The following DGUOK variants were observed in gnomAD, a reference collection of about 807,000 sequenced individuals.
DGUOK encodes the protein deoxyguanosine kinase.
DGUOK carries 30 observed loss-of-function variants against 36.6 expected under a neutral mutation model. The ratio of observed to expected loss-of-function variants is 0.82; its 90% CI spans 0.61 to 1.11. The LOEUF is 1.11. Ranked by LOEUF, DGUOK falls within the 50% of genes most tolerant of loss-of-function variation. The probability of loss-of-function intolerance (pLI) is 0.00; values close to 1 mark genes in which losing one functional copy is unlikely to be tolerated. For synonymous variants in DGUOK, 145 were observed against 126.3 expected (o/e 1.15, Z -0.99); for missense variants, 361 against 336.4 (o/e 1.07, Z -0.57).
At chr2:73,940,586 A>C (rs919220409) in intron 2 of DGUOK, among the ~76,000 whole-genome samples, 11 of 152,192 alleles carry the variant, frequency 7.2e-5, no homozygotes, top group African/African-American at 2.7e-4. Flanking sequence ...GCCACAGGTC[A>C]CCTGTGTGTA....
intron 2 of DGUOK, among the ~76,000 whole-genome samples, chr2:73,946,122 T>TA (rs1682288255): frequency 6.6e-6 from 1 of 151,698 alleles, no homozygotes; most frequent in African/African-American, 2.4e-5. Flanking sequence ...ACATGCCGAG[T>TA]AAGTGGAACG....
At chr2:73,947,399 A>G (rs1056462060) in intron 3 of DGUOK, among the ~76,000 whole-genome samples, 16 of 152,204 alleles carry the variant, frequency 1.1e-4, no homozygotes, top group African/African-American at 3.9e-4. Context: ...CTTAGGCAGA[A>G]ATAGCACATC....
chr2:73,951,650 G>C (rs1011879722), intron 4 of DGUOK, among the ~76,000 whole-genome samples: 24 of 152,172 alleles, frequency 1.6e-4, no homozygotes, highest in Non-Finnish European at 1.8e-4. Flanking sequence ...ACCAGAGGAT[G>C]AGTGGGAGAG....
At chr2:73,957,650 G>C (rs1375064176) in intron 5 of DGUOK, among the ~76,000 whole-genome samples, 1 of 152,184 alleles carries the variant, frequency 6.6e-6, no homozygotes, top group Non-Finnish European at 1.5e-5. Flanking sequence ...CTCCAGCCTG[G>C]GCGACAGAGT....
chr2:73,958,128 C>G lies in DGUOK; in HGVS notation c.708-18C>G. The G allele has an allele frequency of 6.2e-7, 1 of 1,602,402 alleles. No homozygotes were observed. Among genetic ancestry groups the G allele is most frequent in the African/African-American group, 1.3e-5 (1 of 74,820 alleles). On this transcript the variant is annotated intron_variant, in intron 5 of 6. Transcript: ENST00000264093. ...CATTTCTTTTTTTCTGTCCCCCAAACGTTCACGCTTCTTATAGGCTCCACT... is the reference window on the plus strand; with the variant it reads ...CATTTCTTTTTTTCTGTCCCCCAAAGGTTCACGCTTCTTATAGGCTCCACT...
Position 73,958,194 on chromosome 2 carries a change from CAAT to C in DGUOK, c.757_759del (p.Asn253del), listed in dbSNP as rs775276142. 9.9e-6 allele frequency: 16 copies of C among 1,613,698 alleles called. No individual in the cohort carries two copies. Among genetic ancestry groups the C allele is most frequent in the Middle Eastern group, 1.6e-4 (1 of 6,084 alleles). Reference sequence around the variant, plus strand: ...ACATTCCAGTGCTGGTGTTGGATGTCAATGATGATTTTTCTGAGGAAGTAACCA... The same window carrying C: ...ACATTCCAGTGCTGGTGTTGGATGTCGATGATTTTTCTGAGGAAGTAACCA... On this transcript the variant is annotated inframe_deletion, in exon 6 of 7. Coordinates refer to ENST00000264093, the MANE Select transcript of DGUOK (RefSeq NM_080916.3).
At chr2:73,944,737 C>T (rs796155889) in intron 2 of DGUOK, among the ~76,000 whole-genome samples, 23 of 152,236 alleles carry the variant, frequency 1.5e-4, no homozygotes, top group African/African-American at 5.3e-4. Flanking sequence ...CTTTGATAGC[C>T]CAAAGCCCAC....
rs1327107105 is a variant in DGUOK, at chr2:73,938,989, A to G, written c.222A>G (p.Thr74=). Residue 74 remains threonine, a synonymous_variant, in exon 2 of 7, where the codon ACA becomes ACG. Coordinates refer to ENST00000264093, the MANE Select transcript of DGUOK (RefSeq NM_080916.3). The part of the protein sequence containing the change: ...EWHVATEPVA[T]WQNIQAAGTQ... ...ACGTAGCTACAGAACCTGTAGCAAC[A>G]TGGCAGAATATCCAGGCTGCTGGCA... The G allele has an allele frequency of 1.2e-6, 2 of 1,614,068 alleles. No individual in the cohort carries two copies. The highest frequency in any genetic ancestry group is 8.5e-7 in the Non-Finnish European group (1 of 1,179,910).
chr2:73,944,508 G>T (rs1431815611), intron 2 of DGUOK, among the ~76,000 whole-genome samples: 1 of 152,088 alleles, frequency 6.6e-6, no homozygotes, highest in Non-Finnish European at 1.5e-5. Context: ...TTATCAGCAA[G>T]GCCGTATCTT....
chr2:73,936,801 C>G (rs1681498976), intron 1 of DGUOK, among the ~76,000 whole-genome samples: 1 of 152,186 alleles, frequency 6.6e-6, no homozygotes, highest in Non-Finnish European at 1.5e-5. Flanking sequence ...GGAGCCCCAT[C>G]CTGTAGCTGG....
intron 4 of DGUOK, among the ~76,000 whole-genome samples, chr2:73,956,045 A>G (rs1208927477): frequency 6.6e-6 from 1 of 152,222 alleles, no homozygotes; most frequent in Non-Finnish European, 1.5e-5. Context: ...CCTGTTCCCC[A>G]GGAAAGAGGT....
chr2:73,932,980 AGATT>A (rs1392781743), intron 1 of DGUOK, among the ~76,000 whole-genome samples: 9 of 152,194 alleles, frequency 5.9e-5, no homozygotes, highest in African/African-American at 2.2e-4. Context: ...ATTGAAGAAA[AGATT>A]GCTGTATGAA....
chr2:73,927,961 G>C (rs113193638), intron 1 of DGUOK, among the ~76,000 whole-genome samples: 1 of 152,104 alleles, frequency 6.6e-6, no homozygotes, highest in African/African-American at 2.4e-5. Flanking sequence ...ACTGTTCTTG[G>C]CCTGGAGAAT....
At chr2:73,951,788 T>C (rs1256318716) in intron 4 of DGUOK, among the ~76,000 whole-genome samples, 5 of 152,164 alleles carry the variant, frequency 3.3e-5, no homozygotes, top group African/African-American at 1.2e-4. Flanking sequence ...GGGATCTTTG[T>C]GTTGAGAGTT....
chr2:73,936,615 C>G (rs937936995), intron 1 of DGUOK, among the ~76,000 whole-genome samples: 1 of 152,216 alleles, frequency 6.6e-6, no homozygotes. Flanking sequence ...TGCCCCCCTT[C>G]TTTCCCTTGA....
At chr2:73,934,217 C>T (rs1681278404) in intron 1 of DGUOK, among the ~76,000 whole-genome samples, 1 of 152,156 alleles carries the variant, frequency 6.6e-6, no homozygotes, top group Non-Finnish European at 1.5e-5. Flanking sequence ...GAGAAAAAAA[C>T]ATGCCTTAGA....
chr2:73,940,579 A>G (rs1342431714), intron 2 of DGUOK, among the ~76,000 whole-genome samples: 1 of 152,222 alleles, frequency 6.6e-6, no homozygotes, highest in Non-Finnish European at 1.5e-5. Flanking sequence ...TGAGTATGCC[A>G]CAGGTCACCT....
intron 4 of DGUOK, among the ~76,000 whole-genome samples, chr2:73,954,603 G>T (rs1198322127): frequency 6.6e-6 from 1 of 152,106 alleles, no homozygotes; most frequent in African/African-American, 2.4e-5. Flanking sequence ...GGAATCAAGA[G>T]AGTGCAGCTG....
intron 1 of DGUOK, chr2:73,932,515 G>C (rs1681127636): frequency 1.3e-6 from 1 of 757,216 alleles, no homozygotes; most frequent in Non-Finnish European, 2.0e-6. Context: ...TGATATCCAT[G>C]TGGAAGTTAG....
Sources: gnomAD v4.1 joint callset for allele counts (sites outside exome capture counted in the v4.1 genomes callset) on GRCh38, gnomAD v4.1.1 for gene constraint, MANE v1.5 for transcripts, NCBI Gene and HGNC (gene_info 2026-07-23, HGNC 2026-07-21) for gene names.